The following TTC7B variants were observed in gnomAD, a reference collection of about 807,000 sequenced individuals.
TTC7B encodes tetratricopeptide repeat protein 7B.
A neutral mutation model predicts 106.8 loss-of-function variants in TTC7B; 28 were observed. The observed-to-expected ratio is 0.26, with a 90% CI of 0.19 to 0.36. The LOEUF (loss-of-function observed/expected upper bound fraction) is 0.36. TTC7B is among the 10% of genes least tolerant of loss of function. The pLI is 1.00. For missense variants in TTC7B, 862 were observed against 1,076.4 expected, an observed-to-expected ratio of 0.80 and a Z score of 2.79; for synonymous variants, 405 against 430.6, an observed-to-expected ratio of 0.94 and a Z score of 0.74.
intron 16 of TTC7B, among the ~76,000 whole-genome samples, chr14:90,616,439 C>T (rs987328400): frequency 1.3e-5 from 2 of 151,630 alleles, no homozygotes; most frequent in African/African-American, 2.4e-5. Flanking sequence ...TTTCACCAAG[C>T]GAAGGGCGGG....
intron 3 of TTC7B, among the ~76,000 whole-genome samples, chr14:90,770,769 G>A (rs1200799680): frequency 6.6e-6 from 1 of 152,138 alleles, no homozygotes; most frequent in Non-Finnish European, 1.5e-5. Flanking sequence ...TTCTTCTCAA[G>A]TATGCATGGG....
Position 90,658,368 on chromosome 14 carries a change from T to G in TTC7B, c.1172A>C (p.Lys391Thr). 6 of 1,614,170 alleles carry G rather than the reference T, an allele frequency of 3.7e-6. No homozygotes were observed. Among genetic ancestry groups the G allele is most frequent in the Non-Finnish European group, 5.1e-6 (6 of 1,180,014 alleles). Residue 391 changes from lysine (K) to threonine (T), a missense_variant, in exon 10 of 20, where the codon AAG (lysine) becomes ACG (threonine). Coordinates refer to ENST00000328459, the MANE Select transcript of TTC7B (RefSeq NM_001010854.2). ...CAGGTGGAATTCCTCAAAGGCAAAC[T>G]TCATGGCTCTTTCTAGGCACTGGTT... ...MLSECLERAMKFAFEEFHLWY... is the reference protein window; with the variant it reads ...MLSECLERAMTFAFEEFHLWY...
At chr14:90,668,272 C>T (rs1248075890) in intron 9 of TTC7B, among the ~76,000 whole-genome samples, 1 of 152,158 alleles carries the variant, frequency 6.6e-6, no homozygotes, top group Non-Finnish European at 1.5e-5. Flanking sequence ...ATATATTACC[C>T]ATCAATTGCT....
At chr14:90,746,917 G>C (rs892330229) in intron 3 of TTC7B, among the ~76,000 whole-genome samples, 1 of 152,170 alleles carries the variant, frequency 6.6e-6, no homozygotes, top group Non-Finnish European at 1.5e-5. Context: ...CTGACTTAGA[G>C]CCTTGGGATG....
chr14:90,552,074 C>T (rs1278122879), intron 19 of TTC7B, among the ~76,000 whole-genome samples: 5 of 152,212 alleles, frequency 3.3e-5, no homozygotes, highest in Non-Finnish European at 5.9e-5. Context: ...CTAATGACAC[C>T]AGCCAGAAGG....
At chr14:90,761,059 A>G (rs1402197087) in intron 3 of TTC7B, among the ~76,000 whole-genome samples, 1 of 152,174 alleles carries the variant, frequency 6.6e-6, no homozygotes, top group Non-Finnish European at 1.5e-5. Flanking sequence ...ACCAACCCCT[A>G]TCTTGCCATT....
chr14:90,531,741 T>C lies in TTC7B; in HGVS notation c.*9627A>G, dbSNP rs1889295482. 1 of 152,132 alleles carries C rather than the reference T, an allele frequency of 6.6e-6. No individual in the cohort carries two copies. The highest frequency in any genetic ancestry group is 1.5e-5 in the Non-Finnish European group (1 of 68,034). The allele number at this position is 152,132 out of a possible 1,614,324, so 9.4% of individuals were successfully genotyped here. ...ATCCAAAGGACAAGCTGGCTCAAGA[T>C]TTTGAAAGCAATGAAGTGAAATTTG... On this transcript the variant is annotated 3_prime_UTR_variant, in exon 20 of 20. Transcript: ENST00000328459.
chr14:90,662,823 T>G (rs1189032247), intron 9 of TTC7B, among the ~76,000 whole-genome samples: 2 of 152,220 alleles, frequency 1.3e-5, no homozygotes, highest in African/African-American at 4.8e-5. Flanking sequence ...ATTCTTATAT[T>G]AGGAATGGAA....
At position 90,643,516 on chromosome 14, in the gene TTC7B, T is replaced by A. The variant is rs539557034; in HGVS notation, c.1751+532A>T. Among the ~76,000 whole-genome samples the A allele has an allele frequency of 2.5e-3, 376 of 152,268 alleles. 3 individuals are homozygous for A. The highest frequency in any genetic ancestry group is 8.6e-3 in the African/African-American group (356 of 41,548). On this transcript the variant is annotated intron_variant, in intron 15 of 19. Transcript: ENST00000328459. ...TTGGGAAAGAGTGGATAAAGTATTTTAAAAAAATAAGGATGACCTTATGTT... is the reference window on the plus strand; with the variant it reads ...TTGGGAAAGAGTGGATAAAGTATTTAAAAAAAATAAGGATGACCTTATGTT...
chr14:90,735,343 C>T (rs540541580), intron 4 of TTC7B, among the ~76,000 whole-genome samples: 24 of 149,250 alleles, frequency 1.6e-4, no homozygotes, highest in East Asian at 6.2e-4. Context: ...CTGGTCTCTA[C>T]GAAAATGTTA....
At chr14:90,767,296 G>A (rs1890722824) in intron 3 of TTC7B, among the ~76,000 whole-genome samples, 1 of 152,154 alleles carries the variant, frequency 6.6e-6, no homozygotes, top group South Asian at 2.1e-4. Context: ...GGGCTTCAAA[G>A]GCAAACTTGA....
chr14:90,753,909 T>C (rs971702092), intron 3 of TTC7B, among the ~76,000 whole-genome samples: 2 of 152,244 alleles, frequency 1.3e-5, no homozygotes, highest in African/African-American at 4.8e-5. Context: ...TCCACAATTC[T>C]GTGAGCAAAT....
intron 13 of TTC7B, among the ~76,000 whole-genome samples, chr14:90,651,691 A>G (rs1382600312): frequency 6.6e-6 from 1 of 152,228 alleles, no homozygotes; most frequent in Non-Finnish European, 1.5e-5. Flanking sequence ...CTGTTTGCAG[A>G]TGTCAGTTGG....
intron 19 of TTC7B, among the ~76,000 whole-genome samples, chr14:90,545,799 C>G (rs1402026702): frequency 6.6e-6 from 1 of 152,212 alleles, no homozygotes; most frequent in Non-Finnish European, 1.5e-5. Flanking sequence ...GAACCAACCC[C>G]GAGGGGCTAA....
rs117164594 is a variant in TTC7B at position 90,805,791 on chromosome 14, C to T, written c.121+10384G>A. Among the ~76,000 whole-genome samples the T allele has an allele frequency of 1.1e-4, 16 of 152,270 alleles. No individual in the cohort carries two copies. The highest frequency in any genetic ancestry group is 1.5e-4 in the Non-Finnish European group (10 of 68,022). On this transcript the variant is annotated intron_variant, in intron 1 of 19. Transcript: ENST00000328459. The surrounding 1 kb of genome is among the most constrained non-coding windows in gnomAD (Gnocchi z 4.0). Reference sequence around the variant, plus strand: ...GGAATTAGCCGCCCTGCAGGGGGTCCGTGCCCTGCCTCAGCTCATCAGAGT... The same window carrying T: ...GGAATTAGCCGCCCTGCAGGGGGTCTGTGCCCTGCCTCAGCTCATCAGAGT...
intron 3 of TTC7B, chr14:90,766,738 A>G (rs1386708968): frequency 6.4e-7 from 1 of 1,555,168 alleles, no homozygotes; most frequent in Non-Finnish European, 8.8e-7. Context: ...TGTGATCACC[A>G]TTATGCAGAA....
chr14:90,813,033 C>G (rs2030986705), intron 1 of TTC7B, among the ~76,000 whole-genome samples: 1 of 152,138 alleles, frequency 6.6e-6, no homozygotes, highest in South Asian at 2.1e-4. Flanking sequence ...ATAGCCCTGT[C>G]TCACTCACAG....
At chr14:90,581,412 T>C (rs1017186103) in intron 18 of TTC7B, among the ~76,000 whole-genome samples, 4 of 152,234 alleles carry the variant, frequency 2.6e-5, no homozygotes, top group African/African-American at 9.6e-5. Context: ...ACCCTCCTAA[T>C]GACACCATCG....
At chr14:90,550,563 A>G (rs921769081) in intron 19 of TTC7B, among the ~76,000 whole-genome samples, 4 of 152,270 alleles carry the variant, frequency 2.6e-5, no homozygotes, top group Admixed American at 1.3e-4. Flanking sequence ...CAAGATGGCC[A>G]CCCTGAAGGC....
Sources: gnomAD v4.1 joint callset for allele counts (sites outside exome capture counted in the v4.1 genomes callset) on GRCh38, gnomAD v4.1.1 for gene constraint, Gnocchi (gnomAD v3.1) non-coding constraint, MANE v1.5 for transcripts, NCBI Gene and HGNC (gene_info 2026-07-23, HGNC 2026-07-21) for gene names.